COL1A1: variants seen among roughly 807,000 people sequenced by gnomAD.
COL1A1 encodes the protein collagen type I alpha 1 chain.
COL1A1 carries 21 observed loss-of-function variants against 195.7 expected under a neutral mutation model. The observed-to-expected ratio is 0.11, with a 90% CI of 0.08 to 0.15. The LOEUF (loss-of-function observed/expected upper bound fraction) is 0.15. COL1A1 is among the 10% of genes least tolerant of loss of function. COL1A1 has a pLI of 1.00. For missense variants in COL1A1, 1,365 were observed against 2,051.0 expected, an observed-to-expected ratio of 0.67 and a Z score of 6.46; for synonymous variants, 749 against 747.3, an observed-to-expected ratio of 1.00 and a Z score of -0.04.
chr17:50,201,314 C>G, intron 1 of COL1A1, 97 bp downstream of exon 1: 1 of 1,123,012 alleles, frequency 8.9e-7, no homozygotes, highest in Non-Finnish European at 1.3e-6. Flanking sequence ...TCCCGAGTCT[C>G]CGGATCATCC....
chr17:50,191,954 G>C, intron 30 of COL1A1, 26 bp downstream of exon 30: 1 of 1,611,850 alleles, frequency 6.2e-7, no homozygotes, highest in Admixed American at 1.7e-5. Flanking sequence ...GCACCTTGAC[G>C]GATGCAGCGA....
At chr17:50,193,388 G>T (rs1907271115) in intron 25 of COL1A1, 4 of 426,196 alleles carry the variant, frequency 9.4e-6, no homozygotes, top group Non-Finnish European at 1.7e-5. Flanking sequence ...ATCCCCACGT[G>T]TCGGGGTGGA....
rs1906407819 is a variant in COL1A1 at position 50,185,462 on chromosome 17, T to C, written c.*40A>G. On this transcript the variant is annotated 3_prime_UTR_variant, in exon 51 of 51. Transcript: ENST00000225964. ...GTCTGTTTCCGGGTTGGGGGGAAAG[T>C]TGGTTGGGTGGGAGGGAGCCAGGTT... 1 of 1,612,580 alleles carries C rather than the reference T, an allele frequency of 6.2e-7. No homozygotes were observed. The highest frequency in any genetic ancestry group is 1.1e-5 in the South Asian group (1 of 91,030).
rs950914866 is a variant in COL1A1 at position 50,188,017 on chromosome 17, A to G, written c.3262-34T>C. Reference sequence around the variant, plus strand: ...GAGAAAGGGACAAACTGTCAGGCGGAAGTTCCATTGGCATCGAGTGGGGCA... The same window carrying G: ...GAGAAAGGGACAAACTGTCAGGCGGGAGTTCCATTGGCATCGAGTGGGGCA... On this transcript the variant is annotated intron_variant, in intron 44 of 50. Coordinates refer to ENST00000225964, the MANE Select transcript of COL1A1 (RefSeq NM_000088.4). This position sits in a 1 kb window ranked among gnomAD's most constrained non-coding sequence, Gnocchi z 5.6. 4 of 1,613,760 alleles carry G rather than the reference A, an allele frequency of 2.5e-6. No homozygotes were observed. In the African/African-American group the frequency reaches 4.0e-5, roughly 16 times the overall value.
At chr17:50,196,761 G>T (rs1011359696) in intron 11 of COL1A1, 91 bp from the exon 12 acceptor site, 5 of 1,401,422 alleles carry the variant, frequency 3.6e-6, no homozygotes, top group African/African-American at 1.4e-5. Flanking sequence ...GCCTTGGGAG[G>T]TCATCACCGC....
chr17:50,191,659 C>T, intron 31 of COL1A1, 129 bp downstream of exon 31: 1 of 1,172,484 alleles, frequency 8.5e-7, no homozygotes, highest in Non-Finnish European at 1.2e-6. Context: ...GGGCCCCTGC[C>T]CTGGTCTTTT....
intron 45 of COL1A1, 157 bp from the exon 46 acceptor site, chr17:50,187,694 A>G: frequency 1.1e-6 from 1 of 945,868 alleles, no homozygotes; most frequent in Non-Finnish European, 1.7e-6. Context: ...CCTCTCCCAT[A>G]ATCCCTCTCT....
In COL1A1 at chr17:50,196,470, C is replaced by A; in HGVS notation, c.903+14G>T. ...CCTGCCCCATCCCTGCCCTCTGGAA[C>A]TGGGCACACTCACCATCTGACCAGG... On this transcript the variant is annotated intron_variant, in intron 13 of 50. Coordinates refer to ENST00000225964, the MANE Select transcript of COL1A1 (RefSeq NM_000088.4). 6.2e-7 allele frequency: 1 copy of A among 1,614,200 alleles called. No individual in the cohort carries two copies.
In COL1A1 at chr17:50,190,891, G is replaced by A; in HGVS notation, c.2269C>T (p.Pro757Ser). The change falls in exon 33 of 51, where the codon CCT becomes TCT. Residue 757 changes from proline (P) to serine (S), a missense_variant. Around this residue, in one of 5 missense-constraint regions of COL1A1, gnomAD observed 671 missense variants for 1,099.9 expected, o/e 0.61. Coordinates refer to ENST00000225964, the MANE Select transcript of COL1A1 (RefSeq NM_000088.4). This position sits in a 1 kb window ranked among gnomAD's most constrained non-coding sequence, Gnocchi z 4.7. The part of the protein sequence containing the change: ...DAGPKGADGS[P>S]GKDGVRGLTG... ...AGACCACGGACGCCATCTTTGCCAG[G>A]AGAGCCATCAGCACCTTTGGGACCA... The A allele has an allele frequency of 6.2e-7, 1 of 1,613,940 alleles. No homozygotes were observed. Among genetic ancestry groups the A allele is most frequent in the African/African-American group, 1.3e-5 (1 of 75,010 alleles).
In COL1A1 at chr17:50,185,996, C is replaced by T. The variant is rs371547661; in HGVS notation, c.4030G>A (p.Asp1344Asn). ...AGCTGGATGGCCACATCGGCAGGGTCGGAGCCCTGGCCGCCATACTCGAAC... is the reference window on the plus strand; with the variant it reads ...AGCTGGATGGCCACATCGGCAGGGTTGGAGCCCTGGCCGCCATACTCGAAC... The part of the protein sequence containing the change: ...FQFEYGGQGS[D>N]PADVAIQLTF... Residue 1344 changes from aspartate (D) to asparagine (N), a missense_variant, in exon 50 of 51, where the codon GAC becomes AAC. Coordinates refer to ENST00000225964, the MANE Select transcript of COL1A1 (RefSeq NM_000088.4). The T allele has an allele frequency of 2.9e-5, 47 of 1,612,554 alleles. No individual in the cohort carries two copies. The African/African-American group carries it at 3.5e-4, about 12-fold the overall frequency.
At position 50,198,200 on chromosome 17, in the gene COL1A1, G is replaced by A. The variant is rs1250249821; in HGVS notation, c.549C>T (p.Pro183=). 2.6e-5 allele frequency: 42 copies of A among 1,613,966 alleles called. No homozygotes were observed. Among genetic ancestry groups the A allele is most frequent in the Non-Finnish European group, 3.4e-5 (40 of 1,179,984 alleles). Reference sequence around the variant, plus strand: ...GGCCAGGGAGACCACGAGGACCAGAGGGACCCTATAGAGGGAGAAGAAAGG... The same window carrying A: ...GGCCAGGGAGACCACGAGGACCAGAAGGACCCTATAGAGGGAGAAGAAAGG... ...GGISVPGPMG[P]SGPRGLPGPP... The change falls in exon 7 of 51, where the codon CCC becomes CCT. Residue 183 remains proline (P), a synonymous_variant. Coordinates refer to ENST00000225964, the MANE Select transcript of COL1A1 (RefSeq NM_000088.4).
chr17:50,189,449 A>G lies in COL1A1; in HGVS notation c.2757T>C (p.Pro919=). 6.2e-7 allele frequency: 1 copy of G among 1,613,480 alleles called. No individual in the cohort carries two copies. Among genetic ancestry groups the G allele is most frequent in the Non-Finnish European group, 8.5e-7 (1 of 1,179,850 alleles). Reference sequence around the variant, plus strand: ...GGGGACCAGGGGGACCAACTTCACCAGGACGTCCAGCAGGGCCAGTCTCAC... The same window carrying G: ...GGGGACCAGGGGGACCAACTTCACCGGGACGTCCAGCAGGGCCAGTCTCAC... The part of the protein sequence containing the change: ...PRGETGPAGR[P]GEVGPPGPPG... The change falls in exon 39 of 51, where the codon CCT becomes CCC. Residue 919 remains proline, a synonymous_variant. Transcript: ENST00000225964. This position sits in a 1 kb window ranked among gnomAD's most constrained non-coding sequence, Gnocchi z 5.5.
Position 50,195,556 on chromosome 17 carries a change from G to T in COL1A1, c.1155+11C>A. 1 of 1,614,010 alleles carries T rather than the reference G, an allele frequency of 6.2e-7. No individual in the cohort carries two copies. The highest frequency in any genetic ancestry group is 1.7e-5 in the Admixed American group (1 of 60,014). On this transcript the variant is annotated intron_variant, in intron 17 of 50. Transcript: ENST00000225964. This position sits in a 1 kb window ranked among gnomAD's most constrained non-coding sequence, Gnocchi z 4.3. ...AAGTGGCAAAGGGGACACTGAGTCG[G>T]GGACACTTACAGCAGGGCCAGCAGC...
Position 50,195,710 on chromosome 17 carries a change from C to A in COL1A1, c.1057-45G>T. 1 of 1,585,524 alleles carries A rather than the reference C, an allele frequency of 6.3e-7. No individual in the cohort carries two copies. The highest frequency in any genetic ancestry group is 2.2e-5 in the East Asian group (1 of 44,544). On this transcript the variant is annotated intron_variant, in intron 16 of 50. Coordinates refer to ENST00000225964, the MANE Select transcript of COL1A1 (RefSeq NM_000088.4). The surrounding 1 kb of genome is among the most constrained non-coding windows in gnomAD (Gnocchi z 4.3). ...ATATCAGAAGCCACCCTGGGAAACC[C>A]AACCTTGCCTCTCGGGATGGCAGGA...
In COL1A1 at chr17:50,189,332, G is replaced by C. The variant is rs537376166; in HGVS notation, c.2829+45C>G. The stretch of plus-strand genomic sequence containing the variant: ...AGAGCAGCACAGGGACCCCTCCCCA[G>C]CTCTGCACACCTCCGGAGCTGCAGA... On this transcript the variant is annotated intron_variant, in intron 39 of 50. Coordinates refer to ENST00000225964, the MANE Select transcript of COL1A1 (RefSeq NM_000088.4). This position sits in a 1 kb window ranked among gnomAD's most constrained non-coding sequence, Gnocchi z 5.5. 1 of 1,613,732 alleles carries C rather than the reference G, an allele frequency of 6.2e-7. No individual in the cohort carries two copies.
intron 1 of COL1A1, chr17:50,200,248 C>A: frequency 2.2e-6 from 1 of 461,622 alleles, no homozygotes. Context: ...GAAATAAAAA[C>A]CACAGGGTGA....
rs1392114299 is a variant in COL1A1 at position 50,201,466 on chromosome 17, G to A, written c.48C>T (p.Thr16=). The change falls in exon 1 of 51, where the codon ACC becomes ACT. Residue 16 remains threonine (T), a synonymous_variant. Transcript: ENST00000225964. ...DLRLLLLLAA[T]ALLTHGQEEG... Reference sequence around the variant, plus strand: ...CCTCTTGGCCGTGCGTCAGGAGGGCGGTGGCCGCTAAGAGGAGCAGGAGCC... The same window carrying A: ...CCTCTTGGCCGTGCGTCAGGAGGGCAGTGGCCGCTAAGAGGAGCAGGAGCC... 2 of 1,612,952 alleles carry A rather than the reference G, an allele frequency of 1.2e-6. No individual in the cohort carries two copies. The highest frequency in any genetic ancestry group is 2.7e-5 in the African/African-American group (2 of 74,922).
At position 50,194,094 on chromosome 17, in the gene COL1A1, G is replaced by A. The variant is rs1351067403; in HGVS notation, c.1668+36C>T. The A allele has an allele frequency of 8.1e-6, 13 of 1,611,090 alleles. No individual in the cohort carries two copies. The African/African-American group carries it at 1.6e-4, about 20-fold the overall frequency. On this transcript the variant is annotated intron_variant, in intron 24 of 50. Transcript: ENST00000225964. The surrounding 1 kb of genome is among the most constrained non-coding windows in gnomAD (Gnocchi z 6.8). ...GTGAGGACAGCAGGGAGGCAGACAGGACAATGGCAGGGGGTTCAGGGGGAG... is the reference window on the plus strand; with the variant it reads ...GTGAGGACAGCAGGGAGGCAGACAGAACAATGGCAGGGGGTTCAGGGGGAG...
In COL1A1 at chr17:50,201,422, T is replaced by G; in HGVS notation, c.92A>C (p.Gln31Pro). The G allele has an allele frequency of 6.2e-7, 1 of 1,613,872 alleles. No individual in the cohort carries two copies. The highest frequency in any genetic ancestry group is 1.1e-5 in the South Asian group (1 of 91,070). Residue 31 changes from glutamine (Q) to proline (P), a missense_variant, in exon 1 of 51, where the codon CAA becomes CCA. Gln to Pro is a moderately conservative substitution (Grantham distance 76). This residue lies in a region of COL1A1 where 194 missense variants were observed against 221.7 expected (regional missense o/e 0.88). Coordinates refer to ENST00000225964, the MANE Select transcript of COL1A1 (RefSeq NM_000088.4). ...AGTTTGGGACTTACTGTCTTCGTCT[T>G]GGCCCTCGACTTGGCCTTCCTCTTG... The part of the protein sequence containing the change: ...HGQEEGQVEG[Q>P]DEDIPPITCV...
Sources: allele counts gnomAD v4.1 joint callset, GRCh38; gene constraint gnomAD v4.1.1; regional missense constraint gnomAD v4.1.1; non-coding constraint Gnocchi (gnomAD v3.1); transcripts MANE v1.5; gene names NCBI Gene and HGNC (gene_info 2026-07-23, HGNC 2026-07-21).